Variants in IZUMO1 observed in about 807,000 individuals in gnomAD.
IZUMO1 encodes izumo sperm-oocyte fusion 1.
IZUMO1 carries 44 observed loss-of-function variants against 40.7 expected under a neutral mutation model. The ratio of observed to expected loss-of-function variants is 1.08; its 90% CI spans 0.85 to 1.39. The LOEUF is 1.39. Ranked by LOEUF, IZUMO1 falls within the 40% of genes most tolerant of loss-of-function variation. The pLI is 0.00. For missense variants in IZUMO1, 368 were observed against 436.9 expected (o/e 0.84, Z 1.41); for synonymous variants, 149 against 170.9 (o/e 0.87, Z 1.00).
Position 48,741,707 on chromosome 19 carries a change from T to A in IZUMO1, c.754+82A>T. The A allele has an allele frequency of 6.9e-7, 1 of 1,457,930 alleles. No homozygotes were observed. Among genetic ancestry groups the A allele is most frequent in the Non-Finnish European group, 9.1e-7 (1 of 1,094,040 alleles). 90.3% of individuals were successfully genotyped at this position (1,457,930 alleles called of 1,614,324 possible). The stretch of plus-strand genomic sequence containing the variant: ...CACCCAACAGGAAGTCACGCCCCCA[T>A]CGCCAAGGCCACGCCCCCGCCGCGG... On this transcript the variant is annotated intron_variant, in intron 8 of 9. Transcript: ENST00000332955. The surrounding 1 kb of genome is among the most constrained non-coding windows in gnomAD (Gnocchi z 4.4).
At chr19:48,744,263 A>C in intron 4 of IZUMO1, 68 bp from the exon 5 acceptor site, 10 of 1,489,530 alleles carry the variant, frequency 6.7e-6, no homozygotes, top group Non-Finnish European at 9.4e-6. Context: ...ATGAAAGACG[A>C]TGGAAGAGGG....
Position 48,741,180 on chromosome 19 carries a change from C to A in IZUMO1, c.932+121G>T. 1 of 1,436,226 alleles carries A rather than the reference C, an allele frequency of 7.0e-7. No individual in the cohort carries two copies. Among genetic ancestry groups the A allele is most frequent in the Non-Finnish European group, 9.3e-7 (1 of 1,070,842 alleles). 89.0% of individuals were successfully genotyped at this position (1,436,226 alleles called of 1,614,324 possible). A position where few individuals can be genotyped will look rare whatever the true frequency, so the allele number is the denominator to read the frequency against. On this transcript the variant is annotated intron_variant, in intron 9 of 9. Transcript: ENST00000332955. This position sits in a 1 kb window ranked among gnomAD's most constrained non-coding sequence, Gnocchi z 4.4. Reference sequence around the variant, plus strand: ...CCTCCTATTCAAGCCCCCCGCACTCCATCCCCAGGAAAGTCCTGCTCTCAG... The same window carrying A: ...CCTCCTATTCAAGCCCCCCGCACTCAATCCCCAGGAAAGTCCTGCTCTCAG...
rs377469871 is a variant in IZUMO1 at position 48,744,407 on chromosome 19, T to C, written c.397+46A>G. On this transcript the variant is annotated intron_variant, in intron 4 of 9. Coordinates refer to ENST00000332955, the MANE Select transcript of IZUMO1 (RefSeq NM_182575.3). Reference sequence around the variant, plus strand: ...GGGGCTGGAGACAAGGACTCTTGGATAGTGGAAAGAGGAGCTGGGGGACAC... The same window carrying C: ...GGGGCTGGAGACAAGGACTCTTGGACAGTGGAAAGAGGAGCTGGGGGACAC... The C allele has an allele frequency of 1.4e-5, 20 of 1,451,184 alleles. No individual in the cohort carries two copies. In the African/African-American group the frequency reaches 1.5e-4, roughly 11 times the overall value. The allele number at this position is 1,451,184 out of a possible 1,614,324, so 89.9% of individuals were successfully genotyped here. A position where few individuals can be genotyped will look rare whatever the true frequency, so the allele number is the denominator to read the frequency against.
In IZUMO1 at chr19:48,746,307, C is replaced by A. The variant is rs543308476; in HGVS notation, c.-74+128G>T. 4 of 1,011,554 alleles carry A rather than the reference C, an allele frequency of 4.0e-6. No individual in the cohort carries two copies. The East Asian group carries it at 3.6e-4, about 92-fold the overall frequency. 62.7% of individuals were successfully genotyped at this position (1,011,554 alleles called of 1,614,324 possible). On this transcript the variant is annotated intron_variant, in intron 1 of 9. Coordinates refer to ENST00000332955, the MANE Select transcript of IZUMO1 (RefSeq NM_182575.3). ...CCTTAAGAGCAACACCGAGGCACTC[C>A]CCCGCCAGCCCCCCAAAACCTGTTG... is the stretch of plus-strand genomic sequence containing the variant.
At chr19:48,742,384 G>C (rs2033730940) in intron 6 of IZUMO1, 75 bp from the exon 7 acceptor site, 1 of 1,041,786 alleles carries the variant, frequency 9.6e-7, no homozygotes, top group African/African-American at 1.6e-5. Flanking sequence ...GACTCGCTCT[G>C]TCGCCCAGGC....
rs2033886448 is a variant in IZUMO1 at position 48,746,414 on chromosome 19, C to T, written c.-74+21G>A. ...CACGATATTATCAAACTCGGAACTC[C>T]TTCAAAACCAAAACACATACCAGAT... On this transcript the variant is annotated intron_variant, in intron 1 of 9. Coordinates refer to ENST00000332955, the MANE Select transcript of IZUMO1 (RefSeq NM_182575.3). 4 of 992,034 alleles carry T rather than the reference C, an allele frequency of 4.0e-6. No individual in the cohort carries two copies. In the African/African-American group the frequency reaches 7.0e-5, roughly 17 times the overall value. The allele number at this position is 992,034 out of a possible 1,614,324, so 61.5% of individuals were successfully genotyped here.
In IZUMO1 at chr19:48,746,680, C is replaced by G; in HGVS notation, c.-319G>C. On this transcript the variant is annotated 5_prime_UTR_variant, in exon 1 of 10. Coordinates refer to ENST00000332955, the MANE Select transcript of IZUMO1 (RefSeq NM_182575.3). Reference sequence around the variant, plus strand: ...CTAGGGTTCATTGAGGAGCCCGGTCCAGGTTCTGAGGGCTTTTAAAGAGGA... The same window carrying G: ...CTAGGGTTCATTGAGGAGCCCGGTCGAGGTTCTGAGGGCTTTTAAAGAGGA... 1.0e-6 allele frequency: 1 copy of G among 985,522 alleles called. No homozygotes were observed. The highest frequency in any genetic ancestry group is 1.2e-6 in the Non-Finnish European group (1 of 829,956). 61.0% of individuals were successfully genotyped at this position (985,522 alleles called of 1,614,324 possible). A position where few individuals can be genotyped will look rare whatever the true frequency, so the allele number is the denominator to read the frequency against.
At position 48,745,826 on chromosome 19, in the gene IZUMO1, G is replaced by A; in HGVS notation, c.34C>T (p.Leu12=). The change falls in exon 2 of 10, where the codon CTG becomes TTG. Residue 12 remains leucine, a synonymous_variant. Transcript: ENST00000332955. ...TCGGCAGGAAGCAAGCAACCGGCCA[G>A]CGCCGCACACAGGAGGGTAAAATGC... The part of the protein sequence containing the change: ...GPHFTLLCAA[L]AGCLLPAEGC... 1 of 1,614,180 alleles carries A rather than the reference G, an allele frequency of 6.2e-7. No individual in the cohort carries two copies. Among genetic ancestry groups the A allele is most frequent in the South Asian group, 1.1e-5 (1 of 91,078 alleles).
rs768449274 is a variant in IZUMO1, at chr19:48,745,872, G to C, written c.-13C>G. 6.2e-7 allele frequency: 1 copy of C among 1,613,788 alleles called. No individual in the cohort carries two copies. Among genetic ancestry groups the C allele is most frequent in the Non-Finnish European group, 8.5e-7 (1 of 1,179,918 alleles). On this transcript the variant is annotated 5_prime_UTR_variant, in exon 2 of 10. Transcript: ENST00000332955. The stretch of plus-strand genomic sequence containing the variant: ...AATGCGGCCCCATTGCAGCCGGCGC[G>C]CACAGTTCCCGAAGACCGTTAGGAA...
At chr19:48,743,999 G>C (rs1274410189) in intron 5 of IZUMO1, 176 bp downstream of exon 5, 5 of 669,214 alleles carry the variant, frequency 7.5e-6, no homozygotes, top group South Asian at 1.8e-5. Flanking sequence ...AAAAAAAAGA[G>C]TGTAAGTAGA....
At position 48,743,472 on chromosome 19, in the gene IZUMO1, C is replaced by T. The variant is rs571522837; in HGVS notation, c.472G>A (p.Ala158Thr). 9.3e-6 allele frequency: 15 copies of T among 1,614,170 alleles called. No individual in the cohort carries two copies. The highest frequency in any genetic ancestry group is 1.7e-5 in the Admixed American group (1 of 60,020). The change falls in exon 6 of 10, where the codon GCT becomes ACT. Residue 158 changes from alanine to threonine, a missense_variant. By Grantham distance (58) the Ala-to-Thr change is moderately conservative. Transcript: ENST00000332955. ...WCKNCKKEVH[A>T]CRKSYDCGER... is the part of the protein sequence containing the mutation. ...CCGCAATCGTAGGACTTTCGACAAG[C>T]GTGAACCTCCTTTTTGCAGTTCTTG...
chr19:48,745,958 T>A (rs901596438), intron 1 of IZUMO1, 26 bp from the exon 2 acceptor site: 13 of 1,538,340 alleles, frequency 8.5e-6, no homozygotes, highest in African/African-American at 1.4e-5. Flanking sequence ...CCAAAATCCA[T>A]CTTAAGAAAT....
rs143175215 is a variant in IZUMO1 at position 48,746,080 on chromosome 19, CTG to C, written c.-73-150_-73-149del. The C allele has an allele frequency of 2.3e-3, 3,205 of 1,403,230 alleles. 83 individuals carry two copies. The African/African-American group carries it at 0.043, about 19-fold the overall frequency. The allele number at this position is 1,403,230 out of a possible 1,614,324, so 86.9% of individuals were successfully genotyped here. A position where few individuals can be genotyped will look rare whatever the true frequency, so the allele number is the denominator to read the frequency against. On this transcript the variant is annotated intron_variant, in intron 1 of 9. Coordinates refer to ENST00000332955, the MANE Select transcript of IZUMO1 (RefSeq NM_182575.3). Reference sequence around the variant, plus strand: ...CATCAAATGCCTCCGAAGTGTGAAACTGAGCCCCAATCCAGGGGACCCAAAAT... The same window carrying C: ...CATCAAATGCCTCCGAAGTGTGAAACAGCCCCAATCCAGGGGACCCAAAAT...
chr19:48,744,217 G>A, intron 4 of IZUMO1, 22 bp from the exon 5 acceptor site: 1 of 1,611,090 alleles, frequency 6.2e-7, no homozygotes, highest in South Asian at 1.1e-5. Flanking sequence ...GAGAAAAAAA[G>A]AGAGCAAGAA....
At chr19:48,744,577 G>A (rs1299206720) in intron 3 of IZUMO1, 38 bp from the exon 4 acceptor site, 1 of 1,468,706 alleles carries the variant, frequency 6.8e-7, no homozygotes, top group Non-Finnish European at 9.5e-7. Flanking sequence ...CACGTGTGAG[G>A]TGTTGGAAGT....
rs1382271868 is a variant in IZUMO1, at chr19:48,741,550, C to G, written c.755-72G>C. The G allele has an allele frequency of 6.7e-7, 1 of 1,493,232 alleles. No individual in the cohort carries two copies. The highest frequency in any genetic ancestry group is 9.1e-7 in the Non-Finnish European group (1 of 1,093,978). 92.5% of individuals were successfully genotyped at this position (1,493,232 alleles called of 1,614,324 possible). On this transcript the variant is annotated intron_variant, in intron 8 of 9. Coordinates refer to ENST00000332955, the MANE Select transcript of IZUMO1 (RefSeq NM_182575.3). This position sits in a 1 kb window ranked among gnomAD's most constrained non-coding sequence, Gnocchi z 4.4. Reference sequence around the variant, plus strand: ...CTGCCCTGGCAAAGACAAGCCCGTCCCAGTAGCCGGCCATCCCAGAGATAA... The same window carrying G: ...CTGCCCTGGCAAAGACAAGCCCGTCGCAGTAGCCGGCCATCCCAGAGATAA...
chr19:48,743,899 G>A (rs2033799952), intron 5 of IZUMO1: 1 of 490,896 alleles, frequency 2.0e-6, no homozygotes, highest in South Asian at 2.2e-5. Flanking sequence ...GCTGAGGCAG[G>A]AGAATAGTTT....
chr19:48,745,867 G>T lies in IZUMO1; in HGVS notation c.-8C>A. 6.2e-7 allele frequency: 1 copy of T among 1,613,946 alleles called. No individual in the cohort carries two copies. On this transcript the variant is annotated 5_prime_UTR_variant, in exon 2 of 10. Transcript: ENST00000332955. ...GGTAAAATGCGGCCCCATTGCAGCC[G>T]GCGCGCACAGTTCCCGAAGACCGTT...
chr19:48,745,592 G>C (rs772921419), intron 2 of IZUMO1, 33 bp downstream of exon 2: 1 of 1,610,736 alleles, frequency 6.2e-7, no homozygotes, highest in Admixed American at 1.7e-5. Flanking sequence ...CCTTTCCCAG[G>C]ACCCAGGGGT....
Sources: gnomAD v4.1 joint callset for allele counts on GRCh38, gnomAD v4.1.1 for gene constraint, Gnocchi (gnomAD v3.1) non-coding constraint, MANE v1.5 for transcripts, NCBI Gene and HGNC (gene_info 2026-07-23, HGNC 2026-07-21) for gene names.